ELMO1: variants seen among roughly 807,000 people sequenced by gnomAD.
ELMO1 encodes engulfment and cell motility protein 1.
In ELMO1, 26 loss-of-function variants were observed where a neutral mutation model predicts 98.9. The observed-to-expected ratio is 0.26, with a 90% CI of 0.19 to 0.36. The LOEUF is 0.36. Among genes scored for constraint, ELMO1 ranks in the 10% least tolerant of loss-of-function variants. The pLI is 1.00. For missense variants in ELMO1, 627 were observed against 935.2 expected (o/e 0.67, Z 4.30); for synonymous variants, 346 against 346.0 (o/e 1.00, Z 0.00).
chr7:37,169,330 A>T (rs1010248281), intron 13 of ELMO1, among the ~76,000 whole-genome samples: 13 of 152,142 alleles, frequency 8.5e-5, no homozygotes, highest in Non-Finnish European at 1.8e-4. Flanking sequence ...CGGCTCGTGC[A>T]TCGTGCACTG....
chr7:37,162,251 T>C (rs1034142742), intron 13 of ELMO1, among the ~76,000 whole-genome samples: 3 of 151,814 alleles, frequency 2.0e-5, no homozygotes, highest in Non-Finnish European at 2.9e-5. Flanking sequence ...ACCACACACA[T>C]GGTTGAGAGC....
chr7:37,279,145 T>A (rs1461344100), intron 4 of ELMO1, among the ~76,000 whole-genome samples: 1 of 152,012 alleles, frequency 6.6e-6, no homozygotes, highest in Non-Finnish European at 1.5e-5. Flanking sequence ...GAGGTTGCAG[T>A]GAGCCGAGAT....
intron 13 of ELMO1, chr7:37,204,060 A>C (rs1338751878): frequency 4.4e-6 from 2 of 455,236 alleles, no homozygotes; most frequent in Non-Finnish European, 8.8e-6. Flanking sequence ...CCGAATTCTA[A>C]GGAAAAATAG....
chr7:37,344,284 G>A (rs1338487357), intron 1 of ELMO1, among the ~76,000 whole-genome samples: 3 of 151,916 alleles, frequency 2.0e-5, no homozygotes, highest in East Asian at 3.9e-4. Context: ...TGCCCTCCCC[G>A]GCCTCCTGAA....
At chr7:37,145,702 T>C (rs997330299) in intron 13 of ELMO1, among the ~76,000 whole-genome samples, 1 of 152,254 alleles carries the variant, frequency 6.6e-6, no homozygotes, top group African/African-American at 2.4e-5. Context: ...CCAGATGGCA[T>C]AGCGTGGGGA....
chr7:37,307,827 T>C (rs1476078491), intron 4 of ELMO1, among the ~76,000 whole-genome samples: 1 of 152,168 alleles, frequency 6.6e-6, no homozygotes, highest in East Asian at 1.9e-4. Context: ...AAAACAACCA[T>C]GCAGCTGGGT....
chr7:37,070,238 G>T (rs1450950773), intron 15 of ELMO1, among the ~76,000 whole-genome samples: 1 of 152,170 alleles, frequency 6.6e-6, no homozygotes, highest in Non-Finnish European at 1.5e-5. Flanking sequence ...CCATTGGATG[G>T]CAGAGGAGCC....
At chr7:37,026,120 T>C (rs1217218487) in intron 15 of ELMO1, among the ~76,000 whole-genome samples, 1 of 152,106 alleles carries the variant, frequency 6.6e-6, no homozygotes, top group African/African-American at 2.4e-5. Context: ...TTCAGAGAAG[T>C]GGCGCATTAA....
intron 13 of ELMO1, among the ~76,000 whole-genome samples, chr7:37,182,743 T>C (rs17170909): frequency 0.042 from 6,435 of 152,214 alleles, 327 homozygotes; most frequent in African/African-American, 0.12. Flanking sequence ...AATTCTGGTG[T>C]CCCTTCTTAC....
chr7:37,284,000 G>A (rs1562581240), intron 4 of ELMO1, among the ~76,000 whole-genome samples: 2 of 152,202 alleles, frequency 1.3e-5, no homozygotes, highest in Non-Finnish European at 2.9e-5. Flanking sequence ...ACCCATAAGA[G>A]TTCAGAGATA....
Position 37,336,218 on chromosome 7 carries a change from C to T in ELMO1, c.78+6395G>A, listed in dbSNP as rs548372880. 8.7e-4 allele frequency among the ~76,000 whole-genome samples: 132 copies of T among 151,816 alleles called. 1 individual carries two copies. Among genetic ancestry groups the T allele is most frequent in the African/African-American group, 3.1e-3 (130 of 41,392 alleles). ...TCCAGCCTGGGTGACACAGTGAGAC[C>T]CTGCGTCAAGGAAAAAAAAAAAGAA... On this transcript the variant is annotated intron_variant, in intron 2 of 21. Transcript: ENST00000310758.
At chr7:37,316,054 AAAGAG>A in intron 2 of ELMO1, 94 bp from the exon 3 acceptor site, 2 of 1,026,428 alleles carry the variant, frequency 1.9e-6, no homozygotes, top group Non-Finnish European at 2.9e-6. Flanking sequence ...TTATCTAAGC[AAAGAG>A]AATTTACATT....
chr7:36,915,923 G>T (rs935132833), intron 16 of ELMO1, among the ~76,000 whole-genome samples: 1 of 152,158 alleles, frequency 6.6e-6, no homozygotes, highest in Non-Finnish European at 1.5e-5. Context: ...GGTTCTGGGC[G>T]GCTAACTGAT....
At chr7:37,144,744 G>C (rs1467316305) in intron 13 of ELMO1, among the ~76,000 whole-genome samples, 1 of 152,082 alleles carries the variant, frequency 6.6e-6, no homozygotes, top group African/African-American at 2.4e-5. Context: ...TGGGAAAGTA[G>C]TACCAACCAG....
rs17170911 is a variant in ELMO1, at chr7:37,188,017, A to G, written c.1086+23369T>C. Among the ~76,000 whole-genome samples the G allele has an allele frequency of 2.2e-3, 332 of 152,190 alleles. 6 individuals carry two copies. In the East Asian group the frequency reaches 0.045, roughly 21 times the overall value. ...TACCTTGTGACAAGAATCTTCATTC[A>G]CAGAGTTTAAAAAAAAGCAGGGGGG... On this transcript the variant is annotated intron_variant, in intron 13 of 21. Transcript: ENST00000310758.
intron 1 of ELMO1, among the ~76,000 whole-genome samples, chr7:37,436,129 G>C (rs570980549): frequency 6.6e-6 from 1 of 152,314 alleles, no homozygotes; most frequent in African/African-American, 2.4e-5. Context: ...CTTTTAAGCT[G>C]CTAGATATTT....
At chr7:37,283,286 T>A (rs1797232208) in intron 4 of ELMO1, among the ~76,000 whole-genome samples, 1 of 152,172 alleles carries the variant, frequency 6.6e-6, no homozygotes, top group African/African-American at 2.4e-5. Flanking sequence ...CACAACCAGA[T>A]GTCCACGACT....
At chr7:36,998,945 G>A (rs116576805) in intron 16 of ELMO1, among the ~76,000 whole-genome samples, 271 of 152,154 alleles carry the variant, frequency 1.8e-3, no homozygotes, top group African/African-American at 6.1e-3. Context: ...TTATTATTAA[G>A]AATGTGGGAG....
At chr7:37,427,842 GA>G (rs1173097348) in intron 1 of ELMO1, among the ~76,000 whole-genome samples, 1 of 152,182 alleles carries the variant, frequency 6.6e-6, no homozygotes, top group Non-Finnish European at 1.5e-5. Flanking sequence ...CCATCCCCAG[GA>G]AAATCCTGCT....
Sources: gnomAD v4.1 joint callset for allele counts (sites outside exome capture counted in the v4.1 genomes callset) on GRCh38, gnomAD v4.1.1 for gene constraint, MANE v1.5 for transcripts, NCBI Gene and HGNC (gene_info 2026-07-23, HGNC 2026-07-21) for gene names.